CCL17: variants seen among roughly 807,000 people sequenced by gnomAD.
CCL17 encodes the protein C-C motif chemokine ligand 17.
CCL17 carries 8 observed loss-of-function variants against 7.4 expected under a neutral mutation model. The observed-to-expected ratio is 1.09, with a 90% CI of 0.64 to 1.96. The LOEUF (loss-of-function observed/expected upper bound fraction) is 1.96, where lower values mean the gene tolerates loss of function less well. Among genes scored for constraint, CCL17 ranks in the 30% most tolerant of loss-of-function variants. The pLI is 0.00. For missense variants in CCL17, 102 were observed against 113.0 expected (o/e 0.90, Z 0.44); for synonymous variants, 40 against 46.1 (o/e 0.87, Z 0.54).
chr16:57,413,910 C>T lies in CCL17; in HGVS notation c.-23C>T. 1 of 1,593,014 alleles carries T rather than the reference C, an allele frequency of 6.3e-7. No individual in the cohort carries two copies. The highest frequency in any genetic ancestry group is 8.6e-7 in the Non-Finnish European group (1 of 1,169,072). ...GAGCAGAGGGACCTGCACACAGAGACTCCCTCCTGGGCTCCTGGCACCATG... is the reference window on the plus strand; with the variant it reads ...GAGCAGAGGGACCTGCACACAGAGATTCCCTCCTGGGCTCCTGGCACCATG... On this transcript the variant is annotated 5_prime_UTR_variant, in exon 2 of 4. Transcript: ENST00000219244.
upstream of CCL17, among the ~76,000 whole-genome samples, chr16:57,402,546 G>A (rs141241232): frequency 3.6e-4 from 55 of 152,312 alleles, no homozygotes; most frequent in Non-Finnish European, 6.9e-4. Flanking sequence ...ACTACACCCT[G>A]AGGGGTGAAC....
intron 1 of CCL17, among the ~76,000 whole-genome samples, chr16:57,405,293 C>T (rs1199821892): frequency 5.3e-5 from 8 of 152,112 alleles, no homozygotes; most frequent in Middle Eastern, 3.4e-3. Context: ...TTGAGACTCT[C>T]TGGGTGTGAA....
chr16:57,415,701 G>A lies in CCL17; in HGVS notation c.189-64G>A, dbSNP rs554306363. On this transcript the variant is annotated intron_variant, in intron 3 of 3. Transcript: ENST00000219244. This position sits in a 1 kb window ranked among gnomAD's most constrained non-coding sequence, Gnocchi z 4.5. ...AATCCTGGTCAGCACAGGGCGGGCCGTCCCAGGGACTCTGGGGGCCCTTCC... is the reference window on the plus strand; with the variant it reads ...AATCCTGGTCAGCACAGGGCGGGCCATCCCAGGGACTCTGGGGGCCCTTCC... 32 of 1,073,112 alleles carry A rather than the reference G, an allele frequency of 3.0e-5. No homozygotes were observed. The highest frequency in any genetic ancestry group is 4.1e-5 in the Non-Finnish European group (28 of 688,806). The allele number at this position is 1,073,112 out of a possible 1,614,324, so 66.5% of individuals were successfully genotyped here. A position where few individuals can be genotyped will look rare whatever the true frequency, so the allele number is the denominator to read the frequency against.
rs766559717 is a variant in CCL17 at position 57,415,922 on chromosome 16, T to C, written c.*61T>C. ...GACTACCTGGGACCTCCACCGTTGG[T>C]GTTCACCGCCCCCACCCTGAGCGCC... On this transcript the variant is annotated 3_prime_UTR_variant, in exon 4 of 4. Coordinates refer to ENST00000219244, the MANE Select transcript of CCL17 (RefSeq NM_002987.3). This position sits in a 1 kb window ranked among gnomAD's most constrained non-coding sequence, Gnocchi z 4.5. 4.5e-5 allele frequency: 52 copies of C among 1,147,412 alleles called. No homozygotes were observed. The highest frequency in any genetic ancestry group is 6.5e-5 in the Non-Finnish European group (49 of 758,842). 71.1% of individuals were successfully genotyped at this position (1,147,412 alleles called of 1,614,324 possible).
chr16:57,414,209 T>C (rs1902830529), intron 2 of CCL17, among the ~76,000 whole-genome samples: 1 of 151,820 alleles, frequency 6.6e-6, no homozygotes, highest in African/African-American at 2.4e-5. Flanking sequence ...CTCTTGCGGG[T>C]GGGCTTGGTG....
Position 57,413,857 on chromosome 16 carries a change from C to A in CCL17, c.-59-17C>A. On this transcript the variant is annotated splice_polypyrimidine_tract_variant and intron_variant, in intron 1 of 3. Transcript: ENST00000219244. Reference sequence around the variant, plus strand: ...AAAGAGGTTAAATAGGTCACTGCCACCCTCGACTCTCAGCAGGGTGTCTCC... The same window carrying A: ...AAAGAGGTTAAATAGGTCACTGCCAACCTCGACTCTCAGCAGGGTGTCTCC... 1.5e-6 allele frequency: 2 copies of A among 1,356,052 alleles called. No homozygotes were observed. The highest frequency in any genetic ancestry group is 2.0e-6 in the Non-Finnish European group (2 of 982,680). The allele number at this position is 1,356,052 out of a possible 1,614,324, so 84.0% of individuals were successfully genotyped here. A position where few individuals can be genotyped will look rare whatever the true frequency, so the allele number is the denominator to read the frequency against.
upstream of CCL17, among the ~76,000 whole-genome samples, chr16:57,402,549 G>T (rs1902608181): frequency 1.3e-5 from 2 of 152,156 alleles, no homozygotes; most frequent in Non-Finnish European, 2.9e-5. Context: ...ACACCCTGAG[G>T]GGTGAACCTC....
At chr16:57,412,600 C>A (rs41525545) in intron 1 of CCL17, among the ~76,000 whole-genome samples, 2 of 152,198 alleles carry the variant, frequency 1.3e-5, no homozygotes, top group African/African-American at 4.8e-5. Context: ...AAGCCACCTG[C>A]GCCATGTTTT....
In CCL17 at chr16:57,415,449, G is replaced by A. The variant is rs868396584; in HGVS notation, c.188+251G>A. On this transcript the variant is annotated intron_variant, in intron 3 of 3. Coordinates refer to ENST00000219244, the MANE Select transcript of CCL17 (RefSeq NM_002987.3). This position sits in a 1 kb window ranked among gnomAD's most constrained non-coding sequence, Gnocchi z 4.5. ...CCCCAGGTCACACAGCTGGTCAGGG[G>A]CAATGTGGTCACCTCCCCCAGCCTG... Among the ~76,000 whole-genome samples, 1 of 152,226 alleles carries A rather than the reference G, an allele frequency of 6.6e-6. No homozygotes were observed. The highest frequency in any genetic ancestry group is 2.4e-5 in the African/African-American group (1 of 41,460).
rs751727067 is a variant in CCL17 at position 57,415,137 on chromosome 16, C to T, written c.127C>T (p.Pro43Ser). Reference sequence around the variant, plus strand: ...CCTGGAGTACTTCAAGGGAGCCATTCCCCTTAGAAAGCTGAAGACGTGGTA... The same window carrying T: ...CCTGGAGTACTTCAAGGGAGCCATTTCCCTTAGAAAGCTGAAGACGTGGTA... ...CCLEYFKGAI[P>S]LRKLKTWYQT... is the part of the protein sequence containing the mutation. Residue 43 changes from proline to serine, a missense_variant, in exon 3 of 4, where the codon CCC becomes TCC. By Grantham distance (74) the Pro-to-Ser change is moderately conservative. Transcript: ENST00000219244. The surrounding 1 kb of genome is among the most constrained non-coding windows in gnomAD (Gnocchi z 4.5). The T allele has an allele frequency of 4.3e-6, 7 of 1,614,042 alleles. No homozygotes were observed. Among genetic ancestry groups the T allele is most frequent in the Admixed American group, 3.3e-5 (2 of 60,032 alleles).
upstream of CCL17, among the ~76,000 whole-genome samples, chr16:57,402,623 A>T (rs1206877841): frequency 6.6e-6 from 1 of 152,210 alleles, no homozygotes; most frequent in Non-Finnish European, 1.5e-5. Flanking sequence ...AAACAGGGAC[A>T]GATGTTCCTT....
chr16:57,413,473 A>T (rs1327407945), intron 1 of CCL17, among the ~76,000 whole-genome samples: 1 of 152,052 alleles, frequency 6.6e-6, no homozygotes, highest in Non-Finnish European at 1.5e-5. Flanking sequence ...ATGGTCCAGG[A>T]GAAGAGCTCT....
At chr16:57,403,162 ATATTATTATC>A (rs1902618782), upstream of CCL17, among the ~76,000 whole-genome samples, 2 of 82,848 alleles carry the variant, frequency 2.4e-5, no homozygotes, top group African/African-American at 1.0e-4. Flanking sequence ...TATATAATAT[ATATTATTATC>A]TATAATATAT....
upstream of CCL17, among the ~76,000 whole-genome samples, chr16:57,400,496 G>A (rs1272847386): frequency 6.7e-6 from 1 of 150,278 alleles, no homozygotes; most frequent in East Asian, 1.9e-4. Flanking sequence ...TTTTTTTTGA[G>A]AGGCCCAATG....
chr16:57,400,329 A>T (rs377104736), upstream of CCL17, among the ~76,000 whole-genome samples: 1 of 152,174 alleles, frequency 6.6e-6, no homozygotes, highest in South Asian at 2.1e-4. Flanking sequence ...ACTGCACTCC[A>T]GCCTGGGCAA....
upstream of CCL17, among the ~76,000 whole-genome samples, chr16:57,402,840 G>T (rs759088441): frequency 2.6e-5 from 4 of 151,686 alleles, no homozygotes; most frequent in Non-Finnish European, 5.9e-5. Context: ...CAAAAACTAT[G>T]TATTGAAGGC....
At chr16:57,410,476 C>G (rs936463999) in intron 1 of CCL17, among the ~76,000 whole-genome samples, 6 of 152,158 alleles carry the variant, frequency 3.9e-5, no homozygotes, top group African/African-American at 1.4e-4. Flanking sequence ...ATGGCCCTTT[C>G]CCTTCCTTTG....
chr16:57,401,448 C>G (rs1234972745), upstream of CCL17, among the ~76,000 whole-genome samples: 1 of 151,478 alleles, frequency 6.6e-6, no homozygotes, highest in Non-Finnish European at 1.5e-5. Flanking sequence ...CGCTTGAACC[C>G]TGGAGGTAGA....
chr16:57,407,723 A>T (rs1390427431), intron 1 of CCL17, among the ~76,000 whole-genome samples: 1 of 151,574 alleles, frequency 6.6e-6, no homozygotes, highest in Non-Finnish European at 1.5e-5. Flanking sequence ...CCATCAACCC[A>T]TTCATCCATC....
Sources: allele counts gnomAD v4.1 joint callset (sites outside exome capture counted in the v4.1 genomes callset), GRCh38; gene constraint gnomAD v4.1.1; non-coding constraint Gnocchi (gnomAD v3.1); transcripts MANE v1.5; gene names NCBI Gene and HGNC (gene_info 2026-07-23, HGNC 2026-07-21).